Variants in SLC25A21 observed in about 807,000 individuals in gnomAD.
The protein encoded by SLC25A21 is mitochondrial 2-oxodicarboxylate carrier.
In SLC25A21, 47 loss-of-function variants were observed where a neutral mutation model predicts 43.8. That is an observed-to-expected ratio of 1.07 (90% confidence interval 0.85 to 1.37). The LOEUF (loss-of-function observed/expected upper bound fraction) is 1.37. Ranked by LOEUF, SLC25A21 falls within the 40% of genes most tolerant of loss-of-function variation. The pLI, the probability that SLC25A21 is intolerant of heterozygous loss-of-function variation, is 0.00. For synonymous variants in SLC25A21, 131 were observed against 121.3 expected (o/e 1.08, Z -0.52); for missense variants, 352 against 350.2 (o/e 1.00, Z -0.04).
intron 2 of SLC25A21, among the ~76,000 whole-genome samples, chr14:36,833,478 G>A (rs698292): frequency 0.65 from 98,253 of 152,056 alleles, 32,863 homozygotes; most frequent in South Asian, 0.8. Context: ...TAAACGCTTA[G>A]GAATAATGTT....
chr14:37,070,247 TTCCTTCAAG>T (rs79158932), intron 1 of SLC25A21, among the ~76,000 whole-genome samples: 55 of 152,212 alleles, frequency 3.6e-4, no homozygotes, highest in Non-Finnish European at 7.9e-4. Flanking sequence ...GAGGTCTGAT[TTCCTTCAAG>T]TGCTGTGGAC....
At chr14:36,767,019 C>T (rs972490057) in intron 3 of SLC25A21, among the ~76,000 whole-genome samples, 22 of 152,146 alleles carry the variant, frequency 1.4e-4, no homozygotes, top group African/African-American at 5.3e-4. Context: ...CATTATATTG[C>T]TATAAGTACA....
chr14:36,759,349 T>C (rs540650654), intron 3 of SLC25A21, among the ~76,000 whole-genome samples: 3 of 152,362 alleles, frequency 2.0e-5, no homozygotes, highest in East Asian at 1.9e-4. Context: ...AGTTTCCTTC[T>C]GAAAAAAACA....
intron 7 of SLC25A21, among the ~76,000 whole-genome samples, chr14:36,687,146 T>C (rs898635609): frequency 1.1e-4 from 17 of 152,236 alleles, no homozygotes; most frequent in South Asian, 8.3e-4. Context: ...AGAGATGGGG[T>C]TTCACCACAT....
intron 2 of SLC25A21, 121 bp downstream of exon 2, chr14:36,874,835 T>C: frequency 6.0e-6 from 4 of 667,930 alleles, no homozygotes; most frequent in Non-Finnish European, 1.0e-5. Flanking sequence ...TAGAAGCAAA[T>C]ATAACTGCCA....
At chr14:36,853,393 C>T (rs1889802654) in intron 2 of SLC25A21, among the ~76,000 whole-genome samples, 1 of 152,234 alleles carries the variant, frequency 6.6e-6, no homozygotes, top group African/African-American at 2.4e-5. Context: ...CTCAAGCTCT[C>T]TCTCACATAG....
intron 1 of SLC25A21, among the ~76,000 whole-genome samples, chr14:37,094,736 CAA>C (rs58182192): frequency 4.5e-4 from 65 of 142,992 alleles, no homozygotes; most frequent in Admixed American, 4.9e-4. Context: ...TGGTGATAGC[CAA>C]AAAAAAAAAA....
intron 1 of SLC25A21, among the ~76,000 whole-genome samples, chr14:36,895,040 T>A (rs1350533289): frequency 6.6e-6 from 1 of 152,228 alleles, no homozygotes; most frequent in Admixed American, 6.5e-5. Flanking sequence ...GGTATCAGGA[T>A]GATGCTGGCC....
chr14:36,933,357 C>T (rs1166728997), intron 1 of SLC25A21, among the ~76,000 whole-genome samples: 1 of 151,948 alleles, frequency 6.6e-6, no homozygotes, highest in South Asian at 2.1e-4. Flanking sequence ...ATCATGCATC[C>T]CCTGAAGGCT....
At chr14:37,130,722 AG>A (rs373417893) in intron 1 of SLC25A21, among the ~76,000 whole-genome samples, 283 of 152,348 alleles carry the variant, frequency 1.9e-3, no homozygotes, top group African/African-American at 6.3e-3. Context: ...GTTTCTCATT[AG>A]GCCCCTGGCA....
At position 36,678,641 on chromosome 14, in the gene SLC25A21, C is replaced by CTGTT. The variant is rs1414315534; in HGVS notation, c.*2013_*2016dup. On this transcript the variant is annotated 3_prime_UTR_variant, in exon 10 of 10. Transcript: ENST00000331299. ...TTCTTTATCAAATGTTTTTAGGTGGCTGTTAGGGGGCTTTAAAAAATATTA... is the reference window on the plus strand; with the variant it reads ...TTCTTTATCAAATGTTTTTAGGTGGCTGTTTGTTAGGGGGCTTTAAAAAATATTA... 7.9e-6 allele frequency: 10 copies of CTGTT among 1,271,342 alleles called. No individual in the cohort carries two copies. The highest frequency in any genetic ancestry group is 3.7e-5 in the Admixed American group (1 of 26,892). 78.8% of individuals were successfully genotyped at this position (1,271,342 alleles called of 1,614,324 possible). A position where few individuals can be genotyped will look rare whatever the true frequency, so the allele number is the denominator to read the frequency against.
chr14:37,006,074 G>A (rs372410746), intron 1 of SLC25A21, among the ~76,000 whole-genome samples: 2 of 152,108 alleles, frequency 1.3e-5, no homozygotes, highest in South Asian at 2.1e-4. Flanking sequence ...GATGTGACAA[G>A]GCAAACTAAA....
chr14:36,866,444 C>T (rs1489321156), intron 2 of SLC25A21, among the ~76,000 whole-genome samples: 1 of 152,162 alleles, frequency 6.6e-6, no homozygotes, highest in East Asian at 1.9e-4. Context: ...CATTTCCTTT[C>T]CTGGGATTAA....
chr14:36,984,363 A>G (rs1440714234), intron 1 of SLC25A21, among the ~76,000 whole-genome samples: 1 of 152,174 alleles, frequency 6.6e-6, no homozygotes, highest in African/African-American at 2.4e-5. Flanking sequence ...GTTTGCCCCC[A>G]AAAGGGGGAA....
chr14:37,010,780 T>C (rs1350932513), intron 1 of SLC25A21, among the ~76,000 whole-genome samples: 1 of 152,206 alleles, frequency 6.6e-6, no homozygotes, highest in African/African-American at 2.4e-5. Context: ...GGTCTTGATC[T>C]TTCTACCAGG....
chr14:37,011,721 C>T (rs1041861947), intron 1 of SLC25A21, among the ~76,000 whole-genome samples: 1 of 152,142 alleles, frequency 6.6e-6, no homozygotes, highest in African/African-American at 2.4e-5. Context: ...TATAGGAATC[C>T]ATTCATTCCC....
intron 1 of SLC25A21, among the ~76,000 whole-genome samples, chr14:37,083,752 C>G (rs958782924): frequency 1.8e-4 from 28 of 152,208 alleles, no homozygotes; most frequent in African/African-American, 6.3e-4. Flanking sequence ...TTTTAGGGAG[C>G]GGGACCCAGC....
intron 1 of SLC25A21, among the ~76,000 whole-genome samples, chr14:37,025,854 T>A (rs1380635134): frequency 6.6e-6 from 1 of 152,122 alleles, no homozygotes; most frequent in African/African-American, 2.4e-5. Flanking sequence ...TTTTCTTTTT[T>A]CTTAAAAGAA....
At chr14:36,838,013 C>T (rs562953509) in intron 2 of SLC25A21, among the ~76,000 whole-genome samples, 2 of 152,330 alleles carry the variant, frequency 1.3e-5, no homozygotes, top group East Asian at 1.9e-4. Flanking sequence ...AGGTTTGCTG[C>T]ACCTTCCCTG....
Sources: allele counts gnomAD v4.1 joint callset (sites outside exome capture counted in the v4.1 genomes callset), GRCh38; gene constraint gnomAD v4.1.1; transcripts MANE v1.5; gene names NCBI Gene and HGNC (gene_info 2026-07-23, HGNC 2026-07-21).